Variants in TANC1 observed in about 807,000 individuals in gnomAD.
TANC1 encodes the protein protein TANC1.
A neutral mutation model predicts 149.7 loss-of-function variants in TANC1; 77 were observed. That is an observed-to-expected ratio of 0.51 (90% CI 0.43 to 0.62). TANC1 has a LOEUF of 0.62. Ranked by LOEUF, TANC1 falls within the 20% of genes least tolerant of loss-of-function variation. The pLI is 0.00. For synonymous variants in TANC1, 854 were observed against 925.0 expected (o/e 0.92, Z 1.39); for missense variants, 1,985 against 2,321.8 (o/e 0.85, Z 2.98).
chr2:159,066,277 G>GT (rs1438304908), intron 3 of TANC1, among the ~76,000 whole-genome samples: 6 of 152,022 alleles, frequency 3.9e-5, no homozygotes, highest in African/African-American at 1.4e-4. Flanking sequence ...TCCGGGTATG[G>GT]TGGCACATAC....
chr2:159,153,177 G>A (rs1026713955), intron 7 of TANC1, among the ~76,000 whole-genome samples: 3 of 152,214 alleles, frequency 2.0e-5, no homozygotes, highest in African/African-American at 4.8e-5. Flanking sequence ...GAGTTGCATC[G>A]GGAGAGGGAA....
intron 1 of TANC1, among the ~76,000 whole-genome samples, chr2:158,993,831 A>G (rs905003290): frequency 2.0e-5 from 3 of 152,182 alleles, no homozygotes; most frequent in Admixed American, 1.3e-4. Context: ...AAGAGAAGAC[A>G]TTACCTTTTG....
intron 7 of TANC1, among the ~76,000 whole-genome samples, chr2:159,154,631 GTTC>G (rs1448677408): frequency 7.2e-5 from 11 of 152,146 alleles, no homozygotes; most frequent in African/African-American, 2.7e-4. Flanking sequence ...GGAGGTCCAA[GTTC>G]TTCTGACATA....
chr2:159,068,082 C>T (rs1244289481), intron 3 of TANC1, among the ~76,000 whole-genome samples: 1 of 152,132 alleles, frequency 6.6e-6, no homozygotes, highest in African/African-American at 2.4e-5. Flanking sequence ...ATGGTATGTG[C>T]CTTTTTGCTC....
intron 3 of TANC1, among the ~76,000 whole-genome samples, chr2:159,077,101 C>G (rs771419267): frequency 5.5e-4 from 84 of 152,060 alleles, no homozygotes; most frequent in Middle Eastern, 6.8e-3. Flanking sequence ...CTTTGTCACC[C>G]AGGCTAAAGT....
intron 4 of TANC1, among the ~76,000 whole-genome samples, chr2:159,119,975 C>T (rs1227527772): frequency 1.3e-5 from 2 of 152,198 alleles, no homozygotes; most frequent in East Asian, 3.8e-4. Context: ...TGCTCGCAAG[C>T]CCAGCCTTCA....
chr2:159,216,037 A>G (rs2059324026), intron 19 of TANC1, among the ~76,000 whole-genome samples: 1 of 151,322 alleles, frequency 6.6e-6, no homozygotes, highest in Non-Finnish European at 1.5e-5. Flanking sequence ...GGGTGGGGAG[A>G]TACACCTGTC....
At chr2:159,011,336 A>C (rs966117765) in intron 2 of TANC1, among the ~76,000 whole-genome samples, 2 of 150,960 alleles carry the variant, frequency 1.3e-5, no homozygotes, top group Non-Finnish European at 3.0e-5. Context: ...CAACAACAAC[A>C]AAAAAAAACC....
At chr2:158,973,050 C>A (rs1409373528) in intron 1 of TANC1, among the ~76,000 whole-genome samples, 1 of 152,080 alleles carries the variant, frequency 6.6e-6, no homozygotes, top group Non-Finnish European at 1.5e-5. Context: ...TCTTTAGGTT[C>A]CCCTGCAGGT....
At chr2:158,978,087 G>T (rs2149201360) in intron 1 of TANC1, among the ~76,000 whole-genome samples, 1 of 152,162 alleles carries the variant, frequency 6.6e-6, no homozygotes, top group African/African-American at 2.4e-5. Context: ...TTATTAAGTT[G>T]TTCGCCTATT....
chr2:159,128,060 T>A (rs2049661143), intron 4 of TANC1, among the ~76,000 whole-genome samples: 1 of 152,244 alleles, frequency 6.6e-6, no homozygotes, highest in African/African-American at 2.4e-5. Context: ...GTTAGGTGAC[T>A]TTTGTGTTTT....
At chr2:158,996,275 A>T (rs1298482652) in intron 1 of TANC1, among the ~76,000 whole-genome samples, 1 of 152,130 alleles carries the variant, frequency 6.6e-6, no homozygotes, top group Non-Finnish European at 1.5e-5. Flanking sequence ...TGGAAGGATC[A>T]CTTGAGCCTA....
intron 4 of TANC1, among the ~76,000 whole-genome samples, chr2:159,119,430 T>C (rs2048623635): frequency 6.6e-6 from 1 of 152,162 alleles, no homozygotes; most frequent in African/African-American, 2.4e-5. Flanking sequence ...TCAGTTTCAG[T>C]TGGTTTTAAA....
intron 3 of TANC1, among the ~76,000 whole-genome samples, chr2:159,076,939 A>G (rs560985802): frequency 1.3e-5 from 2 of 152,166 alleles, no homozygotes; most frequent in Admixed American, 6.5e-5. Flanking sequence ...GAGATAGAAG[A>G]TAGAAAATTT....
chr2:159,130,667 A>C (rs1359457242), intron 4 of TANC1, among the ~76,000 whole-genome samples: 1 of 152,098 alleles, frequency 6.6e-6, no homozygotes, highest in Non-Finnish European at 1.5e-5. Flanking sequence ...CCTTTTGTGT[A>C]ATAGAAACAG....
chr2:159,054,997 C>T (rs1476734430), intron 2 of TANC1, among the ~76,000 whole-genome samples: 1 of 152,138 alleles, frequency 6.6e-6, no homozygotes, highest in African/African-American at 2.4e-5. Context: ...ATGCCTCTAC[C>T]TGTATTCTGG....
At chr2:159,150,173 A>G in intron 6 of TANC1, 197 bp from the exon 7 acceptor site, 1 of 447,030 alleles carries the variant, frequency 2.2e-6, no homozygotes, top group Non-Finnish European at 3.9e-6. Flanking sequence ...GCTTTCTCAA[A>G]ATTTGGAAGA....
At chr2:159,113,340 A>T (rs898438137) in intron 4 of TANC1, among the ~76,000 whole-genome samples, 18 of 152,240 alleles carry the variant, frequency 1.2e-4, no homozygotes, top group Non-Finnish European at 8.8e-5. Flanking sequence ...ATTGTATTGT[A>T]GGAGGACAGA....
intron 1 of TANC1, among the ~76,000 whole-genome samples, chr2:158,999,294 G>A (rs2036421113): frequency 6.6e-6 from 1 of 152,094 alleles, no homozygotes; most frequent in Non-Finnish European, 1.5e-5. Flanking sequence ...GTCCTAAATT[G>A]GTATCGAGAA....
Sources: allele counts gnomAD v4.1 joint callset (sites outside exome capture counted in the v4.1 genomes callset), GRCh38; gene constraint gnomAD v4.1.1; transcripts MANE v1.5; gene names NCBI Gene and HGNC (gene_info 2026-07-23, HGNC 2026-07-21).